PPP2R5A: variants seen among roughly 807,000 people sequenced by gnomAD.
PPP2R5A encodes protein phosphatase 2 regulatory subunit B'alpha, also known as serine/threonine-protein phosphatase 2A 56 kDa regulatory subunit alpha isoform.
In PPP2R5A, 25 loss-of-function variants were observed where a neutral mutation model predicts 64.2. That is an observed-to-expected ratio of 0.39 (90% confidence interval 0.28 to 0.54). PPP2R5A has a LOEUF of 0.54. Among genes scored for constraint, PPP2R5A ranks in the 20% least tolerant of loss-of-function variants. The pLI is 0.67. For missense variants in PPP2R5A, 425 were observed against 576.3 expected (o/e 0.74, Z 2.69); for synonymous variants, 198 against 201.2 (o/e 0.98, Z 0.13).
At chr1:212,309,169 T>C in intron 1 of PPP2R5A, 2 of 1,305,090 alleles carry the variant, frequency 1.5e-6, no homozygotes, top group South Asian at 2.4e-5. Flanking sequence ...ATTGGTGTCA[T>C]AGAGCTTCTT....
At position 212,318,146 on chromosome 1, in the gene PPP2R5A, G is replaced by C. The variant is rs191292397; in HGVS notation, c.182-10989G>C. Among the ~76,000 whole-genome samples, 10 of 152,308 alleles carry C rather than the reference G, an allele frequency of 6.6e-5. 1 individual carries two copies. Among genetic ancestry groups the C allele is most frequent in the Non-Finnish European group, 1.2e-4 (8 of 68,028 alleles). On this transcript the variant is annotated intron_variant, in intron 1 of 12. Transcript: ENST00000261461. ...TTGGCCCTTGGCTTGAGGCCATGCAGGGATTTTTACAGTGTTGAGAATTAT... is the reference window on the plus strand; with the variant it reads ...TTGGCCCTTGGCTTGAGGCCATGCACGGATTTTTACAGTGTTGAGAATTAT...
At chr1:212,339,657 A>ATT (rs1426754282) in intron 3 of PPP2R5A, among the ~76,000 whole-genome samples, 2 of 152,210 alleles carry the variant, frequency 1.3e-5, no homozygotes, top group African/African-American at 4.8e-5. Context: ...ACAGGTTTCA[A>ATT]TTATATATAT....
At chr1:212,322,077 A>C (rs1245831857) in intron 1 of PPP2R5A, among the ~76,000 whole-genome samples, 1 of 151,448 alleles carries the variant, frequency 6.6e-6, no homozygotes, top group Admixed American at 6.6e-5. Context: ...AATCGCAGGC[A>C]CTCGGCAGGC....
chr1:212,295,341 GA>G (rs1445689740), intron 1 of PPP2R5A, among the ~76,000 whole-genome samples: 6 of 152,130 alleles, frequency 3.9e-5, no homozygotes, highest in Non-Finnish European at 8.8e-5. Context: ...GCAGTTTATT[GA>G]AAGGGAAAAA....
At chr1:212,338,177 A>C (rs1043625960) in intron 3 of PPP2R5A, among the ~76,000 whole-genome samples, 2 of 152,180 alleles carry the variant, frequency 1.3e-5, no homozygotes, top group Non-Finnish European at 2.9e-5. Flanking sequence ...AAGTCTTTTT[A>C]ATGGTGAAGA....
intron 1 of PPP2R5A, among the ~76,000 whole-genome samples, chr1:212,297,271 AATTTTTTTT>A (rs763449905): frequency 2.0e-5 from 3 of 150,954 alleles, no homozygotes; most frequent in African/African-American, 7.3e-5. Context: ...ATACCTGGCT[AATTTTTTTT>A]ATTTTTTTTA....
At chr1:212,342,070 G>A in intron 3 of PPP2R5A, 118 bp from the exon 4 acceptor site, 1 of 1,371,312 alleles carries the variant, frequency 7.3e-7, no homozygotes, top group East Asian at 2.5e-5. Flanking sequence ...ATTTTATAAT[G>A]AGATCTGAAA....
At chr1:212,306,686 T>A (rs2102417407) in intron 1 of PPP2R5A, 1 of 152,174 alleles carries the variant, frequency 6.6e-6, no homozygotes, top group African/African-American at 2.4e-5. Flanking sequence ...GATCATTTTT[T>A]AAAAATTCAG....
chr1:212,358,641 C>CTGTT, intron 11 of PPP2R5A, 45 bp from the exon 12 acceptor site: 1 of 1,382,784 alleles, frequency 7.2e-7, no homozygotes, highest in Non-Finnish European at 1.0e-6. Flanking sequence ...CATTTCCTCT[C>CTGTT]TGTTAGCAGT....
chr1:212,313,151 C>T (rs1659070361), intron 1 of PPP2R5A, among the ~76,000 whole-genome samples: 1 of 152,176 alleles, frequency 6.6e-6, no homozygotes, highest in Non-Finnish European at 1.5e-5. Flanking sequence ...AGAGCCCTAG[C>T]AGATAGGGAG....
In PPP2R5A at chr1:212,329,129, T is replaced by C; in HGVS notation, c.182-6T>C. On this transcript the variant is annotated splice_region_variant and splice_polypyrimidine_tract_variant and intron_variant, in intron 1 of 12. Coordinates refer to ENST00000261461, the MANE Select transcript of PPP2R5A (RefSeq NM_006243.4). Reference sequence around the variant, plus strand: ...TTTCTAAGTTTTTCTTTATTTTTATTTATAGATGCCACTTCAAATGAACAA... The same window carrying C: ...TTTCTAAGTTTTTCTTTATTTTTATCTATAGATGCCACTTCAAATGAACAA... The C allele has an allele frequency of 6.8e-7, 1 of 1,479,984 alleles. No individual in the cohort carries two copies. Among genetic ancestry groups the C allele is most frequent in the Non-Finnish European group, 9.0e-7 (1 of 1,112,242 alleles). 91.7% of individuals were successfully genotyped at this position (1,479,984 alleles called of 1,614,324 possible). A position where few individuals can be genotyped will look rare whatever the true frequency, so the allele number is the denominator to read the frequency against.
chr1:212,338,526 C>T (rs759127658), intron 3 of PPP2R5A, among the ~76,000 whole-genome samples: 6 of 152,118 alleles, frequency 3.9e-5, no homozygotes, highest in Non-Finnish European at 7.4e-5. Context: ...AATCCCAGCA[C>T]TTTGGGAGGC....
At chr1:212,314,885 T>C (rs1659117089) in intron 1 of PPP2R5A, among the ~76,000 whole-genome samples, 1 of 151,960 alleles carries the variant, frequency 6.6e-6, no homozygotes, top group Admixed American at 6.6e-5. Context: ...TTTTAAATTT[T>C]TCGTAGAGAC....
intron 1 of PPP2R5A, among the ~76,000 whole-genome samples, chr1:212,305,027 G>T (rs2358449): frequency 4.8e-5 from 7 of 146,172 alleles, no homozygotes; most frequent in South Asian, 2.1e-4. Context: ...TGCCACACCC[G>T]GCCCCCAATT....
At chr1:212,303,282 C>G (rs1178414037) in intron 1 of PPP2R5A, among the ~76,000 whole-genome samples, 1 of 152,124 alleles carries the variant, frequency 6.6e-6, no homozygotes, top group East Asian at 1.9e-4. Context: ...TATAGCCATC[C>G]TAATGGATGT....
In PPP2R5A at chr1:212,349,226, C is replaced by T. The variant is rs1571609414; in HGVS notation, c.911C>T (p.Thr304Ile). 2 of 1,576,344 alleles carry T rather than the reference C, an allele frequency of 1.3e-6. No individual in the cohort carries two copies. The highest frequency in any genetic ancestry group is 1.7e-6 in the Non-Finnish European group (2 of 1,153,918). Residue 304 changes from threonine to isoleucine, a missense_variant, in exon 8 of 13, where the codon ACA (threonine) becomes ATA (isoleucine). Physicochemically the swap from Thr to Ile is moderately conservative, Grantham distance 89 (BLOSUM62 -1). Coordinates refer to ENST00000261461, the MANE Select transcript of PPP2R5A (RefSeq NM_006243.4). ...YCVVQFLEKD[T>I]TLTEPVIRGL... is the part of the protein sequence containing the mutation. ...GTTGTACAGTTCCTGGAGAAAGATA[C>T]AACACTAACAGAGCCAGTAAGTGTT...
At chr1:212,348,519 G>C in intron 7 of PPP2R5A, 22 bp downstream of exon 7, 3 of 1,448,628 alleles carry the variant, frequency 2.1e-6, no homozygotes, top group Non-Finnish European at 2.9e-6. Context: ...AAACATTTCA[G>C]ATGAAATGAA....
chr1:212,342,164 C>T, intron 3 of PPP2R5A, 24 bp from the exon 4 acceptor site: 1 of 1,609,512 alleles, frequency 6.2e-7, no homozygotes, highest in Non-Finnish European at 8.5e-7. Flanking sequence ...ATCATCTTAG[C>T]CTTTATTTGA....
intron 1 of PPP2R5A, among the ~76,000 whole-genome samples, chr1:212,326,512 G>A (rs1659409975): frequency 6.6e-6 from 1 of 152,130 alleles, no homozygotes; most frequent in South Asian, 2.1e-4. Context: ...CAGGAAAATT[G>A]CATGAACCTG....
Sources: gnomAD v4.1 joint callset for allele counts (sites outside exome capture counted in the v4.1 genomes callset) on GRCh38, gnomAD v4.1.1 for gene constraint, MANE v1.5 for transcripts, NCBI Gene and HGNC (gene_info 2026-07-23, HGNC 2026-07-21) for gene names.